The following TCERG1L variants were observed in gnomAD, a reference collection of about 807,000 sequenced individuals.
TCERG1L encodes transcription elongation regulator 1 like, also known as transcription elongation regulator 1-like protein.
In TCERG1L, 37 loss-of-function variants were observed where a neutral mutation model predicts 56.3. The ratio of observed to expected loss-of-function variants is 0.66; its 90% CI spans 0.51 to 0.87. The LOEUF (loss-of-function observed/expected upper bound fraction) is 0.87, where lower values mean the gene tolerates loss of function less well. Ranked by LOEUF, TCERG1L falls within the 40% of genes least tolerant of loss-of-function variation. The pLI is 0.00. For synonymous variants in TCERG1L, 324 were observed against 326.3 expected (o/e 0.99, Z 0.08); for missense variants, 799 against 774.2 (o/e 1.03, Z -0.38).
chr10:131,166,746 C>T, intron 5 of TCERG1L, 51 bp downstream of exon 5: 1 of 1,572,948 alleles, frequency 6.4e-7, no homozygotes, highest in Non-Finnish European at 8.7e-7. Context: ...CCCTGGTCCT[C>T]CACACCCAGG....
intron 6 of TCERG1L, among the ~76,000 whole-genome samples, chr10:131,158,904 G>C (rs1845949515): frequency 6.6e-6 from 1 of 152,218 alleles, no homozygotes; most frequent in African/African-American, 2.4e-5. Flanking sequence ...AGCTTCCTCT[G>C]CGGCCATGCC....
In TCERG1L at chr10:131,193,332, T is replaced by G. The variant is rs79004174; in HGVS notation, c.857-26447A>C. ...GTTGTCTGTTCACTACGTTGACAAT[T>G]TCTTTTGTTATGCAGAAGCTTTTTA... is the stretch of plus-strand genomic sequence containing the variant. On this transcript the variant is annotated intron_variant, in intron 4 of 11. Coordinates refer to ENST00000368642, the MANE Select transcript of TCERG1L (RefSeq NM_174937.4). Among the ~76,000 whole-genome samples the G allele has an allele frequency of 7.4e-3, 1,133 of 152,364 alleles. 15 individuals carry two copies. The highest frequency in any genetic ancestry group is 0.026 in the African/African-American group (1,064 of 41,578).
chr10:131,155,217 T>G (rs1197345083), intron 6 of TCERG1L, among the ~76,000 whole-genome samples: 4 of 152,248 alleles, frequency 2.6e-5, no homozygotes, highest in Non-Finnish European at 5.9e-5. Flanking sequence ...CTCAGGTGTC[T>G]GTGCTCCTAA....
At chr10:131,219,573 G>T (rs772857275) in intron 4 of TCERG1L, among the ~76,000 whole-genome samples, 1 of 152,162 alleles carries the variant, frequency 6.6e-6, no homozygotes, top group Non-Finnish European at 1.5e-5. Context: ...GGTGACCTGC[G>T]GGCTGCAGTG....
intron 6 of TCERG1L, among the ~76,000 whole-genome samples, chr10:131,159,941 G>T (rs192732905): frequency 6.6e-6 from 1 of 152,124 alleles, no homozygotes; most frequent in Non-Finnish European, 1.5e-5. Flanking sequence ...GTCTGGTGGC[G>T]GTCTGCCAAT....
chr10:131,180,405 T>C (rs1049610204), intron 4 of TCERG1L, among the ~76,000 whole-genome samples: 4 of 152,252 alleles, frequency 2.6e-5, no homozygotes, highest in Non-Finnish European at 5.9e-5. Context: ...GCATTGCTAA[T>C]GTCATATACA....
intron 3 of TCERG1L, among the ~76,000 whole-genome samples, chr10:131,295,996 TTC>T (rs1196148254): frequency 6.6e-6 from 1 of 152,228 alleles, no homozygotes; most frequent in Non-Finnish European, 1.5e-5. Flanking sequence ...GTTCTTTGTA[TTC>T]TCTGTTCTTT....
chr10:131,107,629 T>C (rs1439588395), intron 9 of TCERG1L, among the ~76,000 whole-genome samples: 1 of 152,054 alleles, frequency 6.6e-6, no homozygotes, highest in Non-Finnish European at 1.5e-5. Flanking sequence ...CGAGGAGTCC[T>C]ATGAACTGCT....
At chr10:131,229,782 A>G (rs1165050587) in intron 4 of TCERG1L, among the ~76,000 whole-genome samples, 5 of 152,172 alleles carry the variant, frequency 3.3e-5, no homozygotes, top group Admixed American at 3.3e-4. Flanking sequence ...TAAAATTTTT[A>G]AAAGTAATCA....
chr10:131,157,310 T>C (rs1845934149), intron 6 of TCERG1L, among the ~76,000 whole-genome samples: 1 of 152,154 alleles, frequency 6.6e-6, no homozygotes, highest in Admixed American at 6.5e-5. Flanking sequence ...GTTTAGAAAA[T>C]AATATGTTAA....
chr10:131,233,413 TACAC>T (rs908198531), intron 4 of TCERG1L, among the ~76,000 whole-genome samples: 2 of 151,474 alleles, frequency 1.3e-5, no homozygotes, highest in Admixed American at 6.6e-5. Context: ...GAATATCCAT[TACAC>T]ACACACATAT....
At chr10:131,266,332 G>C (rs1367305746) in intron 3 of TCERG1L, among the ~76,000 whole-genome samples, 1 of 152,146 alleles carries the variant, frequency 6.6e-6, no homozygotes. Context: ...TCAAACTCCT[G>C]TTAATGTTGA....
intron 6 of TCERG1L, among the ~76,000 whole-genome samples, chr10:131,148,495 T>C (rs1010393063): frequency 2.8e-5 from 4 of 143,940 alleles, no homozygotes; most frequent in Admixed American, 6.9e-5. Flanking sequence ...CACACATATA[T>C]ACACACACAA....
chr10:131,249,702 T>TCTCCC (rs1209420427), intron 4 of TCERG1L, among the ~76,000 whole-genome samples: 7 of 152,126 alleles, frequency 4.6e-5, no homozygotes, highest in Non-Finnish European at 8.8e-5. Flanking sequence ...ACATATCCAC[T>TCTCCC]CTCCCGCTCC....
At chr10:131,273,612 C>A (rs898439566) in intron 3 of TCERG1L, among the ~76,000 whole-genome samples, 3 of 152,306 alleles carry the variant, frequency 2.0e-5, no homozygotes, top group East Asian at 1.9e-4. Context: ...CTGGGCTGAC[C>A]GAGGCTCCCT....
At chr10:131,137,471 G>A (rs546305032) in intron 7 of TCERG1L, among the ~76,000 whole-genome samples, 1 of 152,304 alleles carries the variant, frequency 6.6e-6, no homozygotes, top group Non-Finnish European at 1.5e-5. Context: ...TCTGCACCTC[G>A]TGGCGTTTGA....
Position 131,140,876 on chromosome 10 carries a change from G to A in TCERG1L, c.1189+5630C>T, listed in dbSNP as rs1170585909. Reference sequence around the variant, plus strand: ...TGGTGGAGGTGCCGCCTGCACTGGAGGGCAAGAGGCCTGGCTGTGCAGGGG... The same window carrying A: ...TGGTGGAGGTGCCGCCTGCACTGGAAGGCAAGAGGCCTGGCTGTGCAGGGG... On this transcript the variant is annotated intron_variant, in intron 7 of 11. Transcript: ENST00000368642. Among the ~76,000 whole-genome samples the A allele has an allele frequency of 6.6e-5, 10 of 152,342 alleles. No individual in the cohort carries two copies. In the East Asian group the frequency reaches 1.9e-3, roughly 29 times the overall value.
At position 131,250,881 on chromosome 10, in the gene TCERG1L, T is replaced by C. The variant is rs1329032724; in HGVS notation, c.856+9378A>G. ...GGTGGTCTCCCAAGCCACATTCCTC[T>C]TTCTCACGGCTCCATGTGACATAGG... On this transcript the variant is annotated intron_variant, in intron 4 of 11. Coordinates refer to ENST00000368642, the MANE Select transcript of TCERG1L (RefSeq NM_174937.4). Among the ~76,000 whole-genome samples, 4 of 152,152 alleles carry C rather than the reference T, an allele frequency of 2.6e-5. No individual in the cohort carries two copies. In the East Asian group the frequency reaches 7.7e-4, roughly 29 times the overall value.
At chr10:131,240,746 T>C (rs1845963010) in intron 4 of TCERG1L, among the ~76,000 whole-genome samples, 5 of 152,152 alleles carry the variant, frequency 3.3e-5, no homozygotes, top group Admixed American at 3.3e-4. Flanking sequence ...TCCTGAATTA[T>C]GGATCCAGGA....
Sources: allele counts gnomAD v4.1 joint callset (sites outside exome capture counted in the v4.1 genomes callset), GRCh38; gene constraint gnomAD v4.1.1; transcripts MANE v1.5; gene names NCBI Gene and HGNC (gene_info 2026-07-23, HGNC 2026-07-21).